RBBP4: variants seen among roughly 807,000 people sequenced by gnomAD.
RBBP4 encodes histone-binding protein RBBP4.
Under a neutral mutation model 57.2 loss-of-function variants are expected in RBBP4, and 3 were observed. The observed-to-expected ratio is 0.05, with a 90% CI of 0.02 to 0.14. The LOEUF (loss-of-function observed/expected upper bound fraction) is 0.14, where lower values mean the gene tolerates loss of function less well. Ranked by LOEUF, RBBP4 falls within the 10% of genes least tolerant of loss-of-function variation. The pLI is 1.00. For synonymous variants in RBBP4, 151 were observed against 171.5 expected (o/e 0.88, Z 0.93); for missense variants, 107 against 520.6 (o/e 0.21, Z 7.73).
At chr1:32,671,393 A>G (rs1648868476) in intron 8 of RBBP4, among the ~76,000 whole-genome samples, 1 of 152,034 alleles carries the variant, frequency 6.6e-6, no homozygotes, top group Non-Finnish European at 1.5e-5. Context: ...GACCACCCTG[A>G]CCAACATGGT....
At chr1:32,677,511 T>C (rs181344141) in intron 11 of RBBP4, among the ~76,000 whole-genome samples, 3 of 150,280 alleles carry the variant, frequency 2.0e-5, no homozygotes, top group Admixed American at 1.3e-4. Context: ...AAAACAGTAA[T>C]AGTAAAAAGC....
chr1:32,679,134 T>TA (rs1405002642), intron 11 of RBBP4, among the ~76,000 whole-genome samples: 1 of 152,022 alleles, frequency 6.6e-6, no homozygotes, highest in Non-Finnish European at 1.5e-5. Flanking sequence ...CCATCTCTAT[T>TA]AAAAATACAA....
chr1:32,651,734 G>C, intron 1 of RBBP4, 180 bp from the exon 2 acceptor site: 1 of 831,644 alleles, frequency 1.2e-6, no homozygotes, highest in Non-Finnish European at 1.8e-6. Context: ...GTGTTTGGCG[G>C]GGATGGCCCG....
In RBBP4 at chr1:32,684,414, A is replaced by G. The variant is rs1649674207; in HGVS notation, c.*4709A>G. On this transcript the variant is annotated 3_prime_UTR_variant, in exon 12 of 12. Coordinates refer to ENST00000373493, the MANE Select transcript of RBBP4 (RefSeq NM_005610.3). ...GAGATGGCCAAGAACATTTCTAATG[A>G]GCCAAACAATAAAAACTCACATTGT... 1.2e-6 allele frequency: 2 copies of G among 1,613,450 alleles called. No individual in the cohort carries two copies. The highest frequency in any genetic ancestry group is 1.7e-6 in the Non-Finnish European group (2 of 1,179,732).
intron 2 of RBBP4, chr1:32,652,373 C>T (rs1345658846): frequency 4.3e-6 from 1 of 232,946 alleles, no homozygotes; most frequent in African/African-American, 2.3e-5. Context: ...GTATTATGGC[C>T]AGGAGCAGTG....
At chr1:32,662,273 C>A in intron 3 of RBBP4, 1 of 289,414 alleles carries the variant, frequency 3.5e-6, no homozygotes, top group Non-Finnish European at 7.5e-6. Flanking sequence ...GATCTCACTG[C>A]AGCCTCCGCC....
intron 11 of RBBP4, chr1:32,673,385 T>G (rs1217482092): frequency 7.9e-6 from 3 of 377,580 alleles, no homozygotes; most frequent in African/African-American, 4.3e-5. Context: ...TGTCTAGATT[T>G]CAAAAATGTT....
intron 8 of RBBP4, among the ~76,000 whole-genome samples, chr1:32,671,994 TTTTG>T (rs1373683584): frequency 7.1e-6 from 1 of 140,902 alleles, no homozygotes; most frequent in Non-Finnish European, 1.6e-5. Flanking sequence ...AACATTTTTT[TTTTG>T]TTTTTCTTTT....
intron 11 of RBBP4, among the ~76,000 whole-genome samples, chr1:32,678,790 T>C (rs377161796): frequency 5.9e-5 from 9 of 151,354 alleles, no homozygotes; most frequent in African/African-American, 1.7e-4. Context: ...CAGTTTCGCC[T>C]TGTTGGTCAG....
intron 3 of RBBP4, among the ~76,000 whole-genome samples, chr1:32,662,679 T>G (rs1648476128): frequency 6.6e-6 from 1 of 151,902 alleles, no homozygotes; most frequent in Non-Finnish European, 1.5e-5. Context: ...CAGCCTAGTT[T>G]TGTTTTTTAA....
At chr1:32,657,710 A>G in intron 3 of RBBP4, 138 bp downstream of exon 3, 1 of 969,614 alleles carries the variant, frequency 1.0e-6, no homozygotes, top group Non-Finnish European at 1.5e-6. Flanking sequence ...AGGTATTTAT[A>G]TTTATATTAG....
chr1:32,654,822 T>C (rs1342143224), intron 2 of RBBP4, among the ~76,000 whole-genome samples: 1 of 152,160 alleles, frequency 6.6e-6, no homozygotes. Context: ...GCCTCCCAAG[T>C]AGCTGGGATT....
At chr1:32,661,827 C>G (rs1160813791) in intron 3 of RBBP4, among the ~76,000 whole-genome samples, 4 of 118,110 alleles carry the variant, frequency 3.4e-5, no homozygotes, top group African/African-American at 1.3e-4. Context: ...TCGTTGTCTG[C>G]TTATATGTGT....
intron 3 of RBBP4, among the ~76,000 whole-genome samples, chr1:32,664,667 G>A (rs917811568): frequency 6.6e-6 from 1 of 152,070 alleles, no homozygotes; most frequent in Non-Finnish European, 1.5e-5. Flanking sequence ...TGGCCATGCT[G>A]ATCTCAAACT....
At chr1:32,670,127 TG>T in intron 8 of RBBP4, among the ~76,000 whole-genome samples, 1 of 152,310 alleles carries the variant, frequency 6.6e-6, no homozygotes, top group Admixed American at 6.5e-5. Flanking sequence ...GAGGCTGAGA[TG>T]GGTGGATTGC....
rs764823257 is a variant in RBBP4 at position 32,669,533 on chromosome 1, C to G, written c.936C>G (p.Ser312=). The G allele has an allele frequency of 6.2e-7, 1 of 1,608,238 alleles. No individual in the cohort carries two copies. The highest frequency in any genetic ancestry group is 1.1e-5 in the South Asian group (1 of 90,614). Residue 312 remains serine, a synonymous_variant, in exon 8 of 12, where the codon TCC becomes TCG. Transcript: ENST00000373493. This position sits in a 1 kb window ranked among gnomAD's most constrained non-coding sequence, Gnocchi z 4.9. Reference sequence around the variant, plus strand: ...GAAATCTGAAACTTAAGTTGCATTCCTTTGAGTCACATAAGGATGAAATAT... The same window carrying G: ...GAAATCTGAAACTTAAGTTGCATTCGTTTGAGTCACATAAGGATGAAATAT... ...DLRNLKLKLH[S]FESHKDEIFQ...
chr1:32,679,324 G>A lies in RBBP4; in HGVS notation c.1213-316G>A, dbSNP rs2524. Among the ~76,000 whole-genome samples, 680 of 152,264 alleles carry A rather than the reference G, an allele frequency of 4.5e-3. 4 individuals are homozygous for A. Among genetic ancestry groups the A allele is most frequent in the Non-Finnish European group, 7.0e-3 (476 of 68,030 alleles). On this transcript the variant is annotated intron_variant, in intron 11 of 11. Transcript: ENST00000373493. ...AAGGAAAGAAAAATAATAATGCCTG[G>A]TTAAAGAACTCAAGAATGTTGGCTA... is the stretch of plus-strand genomic sequence containing the variant.
chr1:32,656,258 G>A (rs1049757926), intron 2 of RBBP4, among the ~76,000 whole-genome samples: 3 of 151,884 alleles, frequency 2.0e-5, no homozygotes, highest in Non-Finnish European at 2.9e-5. Flanking sequence ...GCAGTAACAC[G>A]ATCTCTGCTC....
At chr1:32,651,492 T>G in intron 1 of RBBP4, 170 bp downstream of exon 1, 1 of 1,360,452 alleles carries the variant, frequency 7.4e-7, no homozygotes, top group Non-Finnish European at 9.5e-7. Flanking sequence ...GCCAGTTCCC[T>G]GGGACCGATT....
Sources: gnomAD v4.1 joint callset for allele counts (sites outside exome capture counted in the v4.1 genomes callset) on GRCh38, gnomAD v4.1.1 for gene constraint, Gnocchi (gnomAD v3.1) non-coding constraint, MANE v1.5 for transcripts, NCBI Gene and HGNC (gene_info 2026-07-23, HGNC 2026-07-21) for gene names.